MFAP2: variants seen among roughly 807,000 people sequenced by gnomAD.
MFAP2 encodes the protein microfibril associated protein 2.
A neutral mutation model predicts 30.6 loss-of-function variants in MFAP2; 23 were observed. The ratio of observed to expected loss-of-function variants is 0.75; its 90% CI spans 0.54 to 1.07. The LOEUF is 1.07. MFAP2 is among the 50% of genes least tolerant of loss of function. The pLI is 0.00. For synonymous variants in MFAP2, 73 were observed against 85.7 expected, an observed-to-expected ratio of 0.85 and a Z score of 0.82; for missense variants, 198 against 223.8, an observed-to-expected ratio of 0.88 and a Z score of 0.74.
Position 16,976,163 on chromosome 1 carries a change from A to T in MFAP2, c.286+338T>A, listed in dbSNP as rs1157153381. The T allele has an allele frequency of 3.9e-6, 2 of 515,944 alleles. No homozygotes were observed. The highest frequency in any genetic ancestry group is 4.5e-5 in the South Asian group (2 of 44,648). The allele number at this position is 515,944 out of a possible 1,614,324, so 32.0% of individuals were successfully genotyped here. ...GGAGGGCACCGCTCAGCCAGCCTGC[A>T]CTCCCTGGCCCTTCCTCGCCTCCAC... On this transcript the variant is annotated intron_variant, in intron 6 of 8. Coordinates refer to ENST00000375535, the MANE Select transcript of MFAP2 (RefSeq NM_002403.4). The surrounding 1 kb of genome is among the most constrained non-coding windows in gnomAD (Gnocchi z 5.5).
chr1:16,976,344 G>T lies in MFAP2; in HGVS notation c.286+157C>A. ...TGGGACCTCCTGGAGCTGCCTGGGG[G>T]GCCTGGTGATGCCAGCCTACGGCAG... is the stretch of plus-strand genomic sequence containing the variant. On this transcript the variant is annotated intron_variant, in intron 6 of 8. Coordinates refer to ENST00000375535, the MANE Select transcript of MFAP2 (RefSeq NM_002403.4). The surrounding 1 kb of genome is among the most constrained non-coding windows in gnomAD (Gnocchi z 5.5). 1.1e-6 allele frequency: 1 copy of T among 908,126 alleles called. No individual in the cohort carries two copies. Among genetic ancestry groups the T allele is most frequent in the East Asian group, 2.5e-5 (1 of 40,712 alleles). The allele number at this position is 908,126 out of a possible 1,614,324, so 56.3% of individuals were successfully genotyped here. A position where few individuals can be genotyped will look rare whatever the true frequency, so the allele number is the denominator to read the frequency against.
In MFAP2 at chr1:16,976,622, C is replaced by T. The variant is rs372990746; in HGVS notation, c.242-77G>A. 128 of 1,612,222 alleles carry T rather than the reference C, an allele frequency of 7.9e-5. No individual in the cohort carries two copies. In the African/African-American group the frequency reaches 1.5e-3, roughly 19 times the overall value. ...GCAAGGGGAGTCACCTCTCCCAGCC[C>T]TGGCAGACCCCCACTCCCAGGGTTG... On this transcript the variant is annotated intron_variant, in intron 5 of 8. Coordinates refer to ENST00000375535, the MANE Select transcript of MFAP2 (RefSeq NM_002403.4). This position sits in a 1 kb window ranked among gnomAD's most constrained non-coding sequence, Gnocchi z 5.5.
Position 16,975,146 on chromosome 1 carries a change from G to T in MFAP2, c.448+123C>A, listed in dbSNP as rs971502442. 4 of 1,278,994 alleles carry T rather than the reference G, an allele frequency of 3.1e-6. No individual in the cohort carries two copies. The highest frequency in any genetic ancestry group is 2.9e-5 in the African/African-American group (2 of 68,442). 79.2% of individuals were successfully genotyped at this position (1,278,994 alleles called of 1,614,324 possible). A position where few individuals can be genotyped will look rare whatever the true frequency, so the allele number is the denominator to read the frequency against. ...AAAAGTAGCAAGGAGGGGAGCTCAG[G>T]GTGTCCTGGAAGTGGGCCTGGTGGA... is the stretch of plus-strand genomic sequence containing the variant. On this transcript the variant is annotated intron_variant, in intron 8 of 8. Coordinates refer to ENST00000375535, the MANE Select transcript of MFAP2 (RefSeq NM_002403.4). This position sits in a 1 kb window ranked among gnomAD's most constrained non-coding sequence, Gnocchi z 5.0.
At chr1:16,978,742 C>T (rs2076613411) in intron 1 of MFAP2, among the ~76,000 whole-genome samples, 1 of 152,210 alleles carries the variant, frequency 6.6e-6, no homozygotes, top group Admixed American at 6.5e-5. Context: ...TCCTTGGGAC[C>T]CCAGCCCTGG....
rs558016097 is a variant in MFAP2, at chr1:16,974,871, G to A, written c.*49C>T. ...AAAAGCACCAGGTCAGGCAGGGCCC[G>A]AGGGCCCCAGATCCCAGGAGGGCCA... On this transcript the variant is annotated 3_prime_UTR_variant, in exon 9 of 9. Transcript: ENST00000375535. 6.8e-6 allele frequency: 4 copies of A among 589,420 alleles called. No homozygotes were observed. Among genetic ancestry groups the A allele is most frequent in the East Asian group, 5.6e-5 (2 of 35,578 alleles). The allele number at this position is 589,420 out of a possible 1,614,324, so 36.5% of individuals were successfully genotyped here.
At chr1:16,977,272 G>T in intron 2 of MFAP2, 74 bp from the exon 3 acceptor site, 1 of 1,457,042 alleles carries the variant, frequency 6.9e-7, no homozygotes, top group Non-Finnish European at 9.4e-7. Flanking sequence ...CTGGAGAGTG[G>T]AGGCGGGGGT....
chr1:16,975,582 CCTG>C lies in MFAP2; in HGVS notation c.374+58_374+60del. ...CCACCTTGGCGGGCCAGAGCTGTCC[CCTG>C]TGCCCTCTAGCCCCCCATGCTCCGG... On this transcript the variant is annotated intron_variant, in intron 7 of 8. Transcript: ENST00000375535. This position sits in a 1 kb window ranked among gnomAD's most constrained non-coding sequence, Gnocchi z 5.0. The C allele has an allele frequency of 6.5e-7, 1 of 1,538,328 alleles. No individual in the cohort carries two copies. Among genetic ancestry groups the C allele is most frequent in the Non-Finnish European group, 9.0e-7 (1 of 1,116,110 alleles).
Position 16,974,701 on chromosome 1 carries a change from G to A in MFAP2, c.*219C>T, listed in dbSNP as rs2076574119. On this transcript the variant is annotated 3_prime_UTR_variant, in exon 9 of 9. Coordinates refer to ENST00000375535, the MANE Select transcript of MFAP2 (RefSeq NM_002403.4). Reference sequence around the variant, plus strand: ...GCCTGGGATACTCCCCCAACCCGAGGGGCAGACTGGGCAGTGGGGAGCCCC... The same window carrying A: ...GCCTGGGATACTCCCCCAACCCGAGAGGCAGACTGGGCAGTGGGGAGCCCC... 6.4e-6 allele frequency: 1 copy of A among 155,662 alleles called. No homozygotes were observed. The allele number at this position is 155,662 out of a possible 1,614,324, so 9.6% of individuals were successfully genotyped here. A position where few individuals can be genotyped will look rare whatever the true frequency, so the allele number is the denominator to read the frequency against.
chr1:16,981,438 G>A (rs146410647), upstream of MFAP2, among the ~76,000 whole-genome samples: 163 of 148,984 alleles, frequency 1.1e-3, 1 homozygote, highest in African/African-American at 3.8e-3. Flanking sequence ...CCTTGGCCCC[G>A]CAGCCTTCCA....
chr1:16,978,384 C>A, intron 1 of MFAP2, 70 bp from the exon 2 acceptor site: 2 of 1,306,808 alleles, frequency 1.5e-6, no homozygotes, highest in South Asian at 1.4e-5. Flanking sequence ...CCTTTGATCC[C>A]CTGATTTCGC....
In MFAP2 at chr1:16,975,206, A is replaced by G; in HGVS notation, c.448+63T>C. On this transcript the variant is annotated intron_variant, in intron 8 of 8. Coordinates refer to ENST00000375535, the MANE Select transcript of MFAP2 (RefSeq NM_002403.4). The surrounding 1 kb of genome is among the most constrained non-coding windows in gnomAD (Gnocchi z 5.0). The stretch of plus-strand genomic sequence containing the variant: ...TTGAATAAACATCAGGTGGGTGGCT[A>G]GGTGGCCAGATAATGATGCGGGTGT... The G allele has an allele frequency of 1.4e-6, 2 of 1,479,966 alleles. No individual in the cohort carries two copies. The highest frequency in any genetic ancestry group is 1.9e-6 in the Non-Finnish European group (2 of 1,064,778). The allele number at this position is 1,479,966 out of a possible 1,614,324, so 91.7% of individuals were successfully genotyped here.
In MFAP2 at chr1:16,976,674, G is replaced by A. The variant is rs574900661; in HGVS notation, c.241+34C>T. ...CAGGGTGGGGAGGGGTGAGGCAGGA[G>A]CTGAGACGGGTGGGAGCAGGGTCTG... On this transcript the variant is annotated intron_variant, in intron 5 of 8. Coordinates refer to ENST00000375535, the MANE Select transcript of MFAP2 (RefSeq NM_002403.4). The surrounding 1 kb of genome is among the most constrained non-coding windows in gnomAD (Gnocchi z 5.5). 4.3e-6 allele frequency: 7 copies of A among 1,612,084 alleles called. No homozygotes were observed. The African/African-American group carries it at 6.7e-5, about 15-fold the overall frequency.
intron 2 of MFAP2, chr1:16,977,440 A>G: frequency 3.9e-6 from 2 of 517,888 alleles, no homozygotes; most frequent in South Asian, 2.4e-5. Flanking sequence ...GGCTGCTCCT[A>G]GGACTCCACA....
intron 2 of MFAP2, 48 bp from the exon 3 acceptor site, chr1:16,977,246 G>T: frequency 6.3e-7 from 1 of 1,586,692 alleles, no homozygotes; most frequent in South Asian, 1.1e-5. Context: ...AGGGGCAACG[G>T]GGGCCCGAGG....
At chr1:16,978,405 G>A in intron 1 of MFAP2, 91 bp from the exon 2 acceptor site, 1 of 1,095,306 alleles carries the variant, frequency 9.1e-7, no homozygotes, top group Non-Finnish European at 1.3e-6. Context: ...CCTGGAGAAG[G>A]TGGCACCCAG....
Position 16,974,962 on chromosome 1 carries a change from T to C in MFAP2, c.510A>G (p.Gln170=). 1 of 1,053,908 alleles carries C rather than the reference T, an allele frequency of 9.5e-7. No homozygotes were observed. The highest frequency in any genetic ancestry group is 1.4e-6 in the Non-Finnish European group (1 of 701,934). 65.3% of individuals were successfully genotyped at this position (1,053,908 alleles called of 1,614,324 possible). A position where few individuals can be genotyped will look rare whatever the true frequency, so the allele number is the denominator to read the frequency against. The change falls in exon 9 of 9, where the codon CAA becomes CAG. Residue 170 remains glutamine, a synonymous_variant. Coordinates refer to ENST00000375535, the MANE Select transcript of MFAP2 (RefSeq NM_002403.4). Reference sequence around the variant, plus strand: ...TCCTGGCACAGGAGGCCGCCACGGATTGGCACAGGCCGCTGCTGGCCATCA... The same window carrying C: ...TCCTGGCACAGGAGGCCGCCACGGACTGGCACAGGCCGCTGCTGGCCATCA... ...CGVMASSGLC[Q]SVAASCARSC...
In MFAP2 at chr1:16,976,317, G is replaced by A. The variant is rs2076590967; in HGVS notation, c.286+184C>T. 2.8e-6 allele frequency: 2 copies of A among 722,870 alleles called. No individual in the cohort carries two copies. The highest frequency in any genetic ancestry group is 4.7e-6 in the Non-Finnish European group (2 of 421,590). 44.8% of individuals were successfully genotyped at this position (722,870 alleles called of 1,614,324 possible). A position where few individuals can be genotyped will look rare whatever the true frequency, so the allele number is the denominator to read the frequency against. On this transcript the variant is annotated intron_variant, in intron 6 of 8. Coordinates refer to ENST00000375535, the MANE Select transcript of MFAP2 (RefSeq NM_002403.4). This position sits in a 1 kb window ranked among gnomAD's most constrained non-coding sequence, Gnocchi z 5.5. ...CCTCCAGCCAGGCACACTGGGGACA[G>A]GTGGGACCTCCTGGAGCTGCCTGGG...
At chr1:16,980,258 T>A (rs2076626522) in intron 1 of MFAP2, among the ~76,000 whole-genome samples, 1 of 116,268 alleles carries the variant, frequency 8.6e-6, no homozygotes, top group Non-Finnish European at 1.8e-5. Flanking sequence ...TCTCGGCCAT[T>A]CCCACCGGAC....
At position 16,976,688 on chromosome 1, in the gene MFAP2, G is replaced by T; in HGVS notation, c.241+20C>A. On this transcript the variant is annotated intron_variant, in intron 5 of 8. Transcript: ENST00000375535. The surrounding 1 kb of genome is among the most constrained non-coding windows in gnomAD (Gnocchi z 5.5). ...GTGAGGCAGGAGCTGAGACGGGTGGGAGCAGGGTCTGGGGCCTACCTGGGG... is the reference window on the plus strand; with the variant it reads ...GTGAGGCAGGAGCTGAGACGGGTGGTAGCAGGGTCTGGGGCCTACCTGGGG... 6.2e-7 allele frequency: 1 copy of T among 1,613,118 alleles called. No individual in the cohort carries two copies. Among genetic ancestry groups the T allele is most frequent in the Non-Finnish European group, 8.5e-7 (1 of 1,179,368 alleles).
Sources: allele counts gnomAD v4.1 joint callset (sites outside exome capture counted in the v4.1 genomes callset), GRCh38; gene constraint gnomAD v4.1.1; non-coding constraint Gnocchi (gnomAD v3.1); transcripts MANE v1.5; gene names NCBI Gene and HGNC (gene_info 2026-07-23, HGNC 2026-07-21).